Variants in COTL1 observed in about 807,000 individuals in gnomAD.
COTL1 encodes coactosin-like protein.
Under a neutral mutation model 16.5 loss-of-function variants are expected in COTL1, and 15 were observed. The observed-to-expected ratio is 0.91, with a 90% CI of 0.61 to 1.40. The LOEUF (loss-of-function observed/expected upper bound fraction) is 1.40. Among genes scored for constraint, COTL1 ranks in the 40% most tolerant of loss-of-function variants. COTL1 has a pLI of 0.00. For synonymous variants in COTL1, 112 were observed against 85.3 expected (o/e 1.31, Z -1.73); for missense variants, 220 against 201.5 (o/e 1.09, Z -0.56).
intron 2 of COTL1, among the ~76,000 whole-genome samples, chr16:84,598,133 C>A (rs903571907): frequency 6.6e-6 from 1 of 152,170 alleles, no homozygotes; most frequent in African/African-American, 2.4e-5. Flanking sequence ...GCCAATTGCA[C>A]GCTGGATGTC....
At chr16:84,567,069 G>C (rs1904302049) in intron 3 of COTL1, 114 bp from the exon 4 acceptor site, 2 of 720,404 alleles carry the variant, frequency 2.8e-6, no homozygotes, top group African/African-American at 1.7e-5. Flanking sequence ...ATGAGAGATG[G>C]AAATGGAAAT....
At chr16:84,603,629 G>A (rs535452305) in intron 2 of COTL1, among the ~76,000 whole-genome samples, 3 of 152,254 alleles carry the variant, frequency 2.0e-5, no homozygotes, top group Admixed American at 6.5e-5. Context: ...TGGGACCAAC[G>A]GTGACAATGG....
chr16:84,605,543 C>T (rs1567539625), intron 2 of COTL1, among the ~76,000 whole-genome samples: 3 of 152,200 alleles, frequency 2.0e-5, no homozygotes, highest in Non-Finnish European at 4.4e-5. Context: ...GTGACACCCA[C>T]GTGATCACTG....
At chr16:84,613,123 C>A (rs1034291302) in intron 2 of COTL1, among the ~76,000 whole-genome samples, 5 of 151,818 alleles carry the variant, frequency 3.3e-5, no homozygotes, top group African/African-American at 1.2e-4. Flanking sequence ...GCCTCAGTCT[C>A]CGAGTAGCTG....
intron 2 of COTL1, among the ~76,000 whole-genome samples, chr16:84,615,474 T>C (rs1905449554): frequency 6.6e-6 from 1 of 152,076 alleles, no homozygotes; most frequent in Admixed American, 6.5e-5. Flanking sequence ...CCCCTTCTAC[T>C]TGCTGGAGAG....
chr16:84,581,215 C>T (rs1048981085), intron 3 of COTL1, among the ~76,000 whole-genome samples: 7 of 105,842 alleles, frequency 6.6e-5, no homozygotes, highest in Non-Finnish European at 1.2e-4. Flanking sequence ...GAAGTGCCCC[C>T]GGCCTGAGCC....
intron 3 of COTL1, among the ~76,000 whole-genome samples, chr16:84,583,935 T>G (rs1408694617): frequency 6.6e-6 from 1 of 152,154 alleles, no homozygotes; most frequent in Non-Finnish European, 1.5e-5. Flanking sequence ...AACGTTCATA[T>G]TATGTTAAAG....
At position 84,587,203 on chromosome 16, in the gene COTL1, C is replaced by T. The variant is rs1904753859; in HGVS notation, c.318+2902G>A. Among the ~76,000 whole-genome samples, 3 of 152,260 alleles carry T rather than the reference C, an allele frequency of 2.0e-5. No homozygotes were observed. The South Asian group carries it at 6.2e-4, about 32-fold the overall frequency. On this transcript the variant is annotated intron_variant, in intron 3 of 3. Transcript: ENST00000262428. ...AAGTGGTTTTCCAAAACAAGGGCTC[C>T]CAGGCCAGACAGGGTGCAGACAGCA...
At chr16:84,617,287 G>A (rs915519834) in intron 2 of COTL1, among the ~76,000 whole-genome samples, 4 of 152,242 alleles carry the variant, frequency 2.6e-5, no homozygotes, top group Non-Finnish European at 4.4e-5. Flanking sequence ...GTAGGATGGC[G>A]GAGGCAGGTG....
chr16:84,572,714 G>A lies in COTL1; in HGVS notation c.319-5759C>T, dbSNP rs1028616826. Among the ~76,000 whole-genome samples, 4 of 151,886 alleles carry A rather than the reference G, an allele frequency of 2.6e-5. No individual in the cohort carries two copies. In the East Asian group the frequency reaches 7.7e-4, roughly 29 times the overall value. ...TGGGCTCAAGCGATCCACCCATCTT[G>A]GCCTCCCAAAGGCCAGAATTTTGAA... On this transcript the variant is annotated intron_variant, in intron 3 of 3. Transcript: ENST00000262428.
intron 2 of COTL1, among the ~76,000 whole-genome samples, chr16:84,593,873 CT>C (rs1210853076): frequency 2.0e-5 from 3 of 152,208 alleles, no homozygotes; most frequent in Non-Finnish European, 4.4e-5. Flanking sequence ...TCGCTACTAT[CT>C]AATTTCACCA....
chr16:84,587,600 A>G (rs2150686663), intron 3 of COTL1, among the ~76,000 whole-genome samples: 1 of 152,240 alleles, frequency 6.6e-6, no homozygotes, highest in Non-Finnish European at 1.5e-5. Context: ...CATATCATTT[A>G]TGAAATTACA....
At chr16:84,607,723 G>A (rs564558184) in intron 2 of COTL1, among the ~76,000 whole-genome samples, 3 of 152,178 alleles carry the variant, frequency 2.0e-5, no homozygotes, top group African/African-American at 4.8e-5. Flanking sequence ...TGGGAGGCGG[G>A]GGAGCAATCT....
chr16:84,592,035 T>C (rs1483062322), intron 2 of COTL1, among the ~76,000 whole-genome samples: 1 of 152,092 alleles, frequency 6.6e-6, no homozygotes, highest in Admixed American at 6.5e-5. Flanking sequence ...ATCCCGTAAA[T>C]TGCAGGGTGC....
At chr16:84,578,320 G>C (rs1373970325) in intron 3 of COTL1, among the ~76,000 whole-genome samples, 1 of 152,146 alleles carries the variant, frequency 6.6e-6, no homozygotes, top group Non-Finnish European at 1.5e-5. Context: ...CATACTCAAA[G>C]ATGTTCATTG....
intron 3 of COTL1, among the ~76,000 whole-genome samples, chr16:84,584,600 A>G (rs534374913): frequency 1.3e-4 from 20 of 152,310 alleles, no homozygotes; most frequent in African/African-American, 3.4e-4. Flanking sequence ...TCCGTGAACA[A>G]CAAGATTCAC....
intron 2 of COTL1, among the ~76,000 whole-genome samples, chr16:84,598,825 G>C (rs13330549): frequency 3.2e-4 from 44 of 136,152 alleles, no homozygotes; most frequent in African/African-American, 1.1e-3. Flanking sequence ...CGGCAGGGGT[G>C]GGGGGGAGCA....
intron 2 of COTL1, among the ~76,000 whole-genome samples, chr16:84,604,998 C>T (rs930453358): frequency 6.6e-6 from 1 of 152,250 alleles, no homozygotes; most frequent in African/African-American, 2.4e-5. Flanking sequence ...GAAAGTCTCT[C>T]CAGGGCAGGA....
At position 84,567,174 on chromosome 16, in the gene COTL1, G is replaced by T. The variant is rs1375003710; in HGVS notation, c.319-219C>A. ...GCAGAAAAAACCTGACTGGGAGGAGGGAGTGGGGCAGATCTGATGCTGCGT... is the reference window on the plus strand; with the variant it reads ...GCAGAAAAAACCTGACTGGGAGGAGTGAGTGGGGCAGATCTGATGCTGCGT... On this transcript the variant is annotated intron_variant, in intron 3 of 3. Transcript: ENST00000262428. 4 of 508,540 alleles carry T rather than the reference G, an allele frequency of 7.9e-6. No homozygotes were observed. The East Asian group carries it at 1.5e-4, about 19-fold the overall frequency. The allele number at this position is 508,540 out of a possible 1,614,324, so 31.5% of individuals were successfully genotyped here. A position where few individuals can be genotyped will look rare whatever the true frequency, so the allele number is the denominator to read the frequency against.
Sources: allele counts gnomAD v4.1 joint callset (sites outside exome capture counted in the v4.1 genomes callset), GRCh38; gene constraint gnomAD v4.1.1; transcripts MANE v1.5; gene names NCBI Gene and HGNC (gene_info 2026-07-23, HGNC 2026-07-21).